The following SEPTIN9 variants were observed in gnomAD, a reference collection of about 807,000 sequenced individuals.
The protein encoded by SEPTIN9 is septin 9, also known as septin-9.
A neutral mutation model predicts 56.6 loss-of-function variants in SEPTIN9; 13 were observed. That is an observed-to-expected ratio of 0.23 (90% confidence interval 0.15 to 0.37). SEPTIN9 has a LOEUF of 0.37. Among genes scored for constraint, SEPTIN9 ranks in the 10% least tolerant of loss-of-function variants. The pLI, the probability that SEPTIN9 is intolerant of heterozygous loss-of-function variation, is 1.00. For synonymous variants in SEPTIN9, 332 were observed against 334.1 expected, an observed-to-expected ratio of 0.99 and a Z score of 0.07; for missense variants, 650 against 823.1, an observed-to-expected ratio of 0.79 and a Z score of 2.57.
chr17:77,459,346 T>C (rs2038356111), intron 3 of SEPTIN9, among the ~76,000 whole-genome samples: 1 of 152,194 alleles, frequency 6.6e-6, no homozygotes, highest in African/African-American at 2.4e-5. Context: ...CATCATTCAC[T>C]CGCACATTCA....
At chr17:77,304,104 G>A (rs935691770) in intron 1 of SEPTIN9, among the ~76,000 whole-genome samples, 20 of 152,310 alleles carry the variant, frequency 1.3e-4, no homozygotes, top group African/African-American at 4.8e-4. Flanking sequence ...CTACCTCTTT[G>A]CTGGACTCAG....
Position 77,319,306 on chromosome 17 carries a change from C to A in SEPTIN9, c.76+12109C>A, listed in dbSNP as rs1055165349. Among the ~76,000 whole-genome samples, 2 of 152,150 alleles carry A rather than the reference C, an allele frequency of 1.3e-5. No homozygotes were observed. Among genetic ancestry groups the A allele is most frequent in the African/African-American group, 4.8e-5 (2 of 41,442 alleles). On this transcript the variant is annotated intron_variant, in intron 2 of 11. Transcript: ENST00000427177. The surrounding 1 kb of genome is among the most constrained non-coding windows in gnomAD (Gnocchi z 5.3). The stretch of plus-strand genomic sequence containing the variant: ...GACCCTGACCATGTGCTGGTGGGGA[C>A]CCCCCAGGTAAGTAAGCAGCCTCTG...
intron 2 of SEPTIN9, among the ~76,000 whole-genome samples, chr17:77,363,127 G>A (rs1302541352): frequency 6.6e-6 from 1 of 152,212 alleles, no homozygotes; most frequent in Admixed American, 6.5e-5. Context: ...TGCCCAGGAC[G>A]GTGGGCAGGG....
intron 3 of SEPTIN9, among the ~76,000 whole-genome samples, chr17:77,407,886 AT>A (rs899519806): frequency 6.6e-6 from 1 of 152,028 alleles, no homozygotes; most frequent in Admixed American, 6.5e-5. Context: ...GCCCCCCAAC[AT>A]GGGTGCCTCT....
At chr17:77,375,429 G>A (rs1325378007) in intron 2 of SEPTIN9, 1 of 152,264 alleles carries the variant, frequency 6.6e-6, no homozygotes, top group Non-Finnish European at 1.5e-5. Flanking sequence ...GGGAGGGGAG[G>A]CCAGGGTTTG....
intron 3 of SEPTIN9, chr17:77,446,038 G>A (rs1385103970): frequency 6.0e-6 from 1 of 167,994 alleles, no homozygotes; most frequent in Non-Finnish European, 1.5e-5. Context: ...GCCTGGCAGA[G>A]TTCTGCACAA....
At chr17:77,288,969 A>T (rs971195177) in intron 1 of SEPTIN9, among the ~76,000 whole-genome samples, 4 of 152,232 alleles carry the variant, frequency 2.6e-5, no homozygotes, top group African/African-American at 9.6e-5. Flanking sequence ...TCAGAGACCC[A>T]AGGTGTGGCT....
chr17:77,378,449 T>C (rs9909247), intron 2 of SEPTIN9, among the ~76,000 whole-genome samples: 33,858 of 152,162 alleles, frequency 0.22, 3,958 homozygotes, highest in East Asian at 0.5. Flanking sequence ...CCCATGGCGC[T>C]GAGCACGGGT....
rs139375537 is a variant in SEPTIN9 at position 77,429,863 on chromosome 17, CTCTT to C, written c.721+27164_721+27167del. ...TGTTGCGAAACCTGTCTCTCTGCCT[CTCTT>C]TCTCCTGCTACAGAACTGGATCCTC... On this transcript the variant is annotated intron_variant, in intron 3 of 11. Coordinates refer to ENST00000427177, the MANE Select transcript of SEPTIN9 (RefSeq NM_001113491.2). This position sits in a 1 kb window ranked among gnomAD's most constrained non-coding sequence, Gnocchi z 5.2. Among the ~76,000 whole-genome samples, 556 of 152,300 alleles carry C rather than the reference CTCTT, an allele frequency of 3.7e-3. 1 individual carries two copies. Among genetic ancestry groups the C allele is most frequent in the African/African-American group, 0.013 (526 of 41,560 alleles).
chr17:77,460,559 G>A (rs921833340), intron 3 of SEPTIN9, among the ~76,000 whole-genome samples: 3 of 152,152 alleles, frequency 2.0e-5, no homozygotes, highest in Non-Finnish European at 4.4e-5. Flanking sequence ...TTTGGGATAC[G>A]GGGAGCGAGA....
At chr17:77,486,529 C>CTGTGTGTGTGT (rs1568114414) in intron 4 of SEPTIN9, among the ~76,000 whole-genome samples, 1 of 119,600 alleles carries the variant, frequency 8.4e-6, no homozygotes, top group Non-Finnish European at 1.6e-5. Flanking sequence ...TGTGCGCGCA[C>CTGTGTGTGTGT]GCGCGCGCGT....
chr17:77,294,908 G>A (rs1347183082), intron 1 of SEPTIN9: 1 of 152,234 alleles, frequency 6.6e-6, no homozygotes, highest in Admixed American at 6.5e-5. Flanking sequence ...GGAACGGTGA[G>A]TGGAGCGAGT....
At chr17:77,480,434 G>A (rs2039409856) in intron 3 of SEPTIN9, among the ~76,000 whole-genome samples, 3 of 151,670 alleles carry the variant, frequency 2.0e-5, no homozygotes, top group Non-Finnish European at 4.4e-5. Flanking sequence ...CAGCCAGGGG[G>A]CTCAGTGGGC....
rs188932761 is a variant in SEPTIN9, at chr17:77,499,305, G to A, written c.*647G>A. The stretch of plus-strand genomic sequence containing the variant: ...GAAAGTGCCTTTATCTCAGCCATCC[G>A]CAGACTGCTTGGCCAGATGCGGGGA... On this transcript the variant is annotated 3_prime_UTR_variant, in exon 12 of 12. Coordinates refer to ENST00000427177, the MANE Select transcript of SEPTIN9 (RefSeq NM_001113491.2). 1.9e-4 allele frequency: 113 copies of A among 597,444 alleles called. No individual in the cohort carries two copies. In the East Asian group the frequency reaches 3.2e-3, roughly 17 times the overall value. The allele number at this position is 597,444 out of a possible 1,614,324, so 37.0% of individuals were successfully genotyped here.
At position 77,389,266 on chromosome 17, in the gene SEPTIN9, A is replaced by AG. The variant is rs1003572391; in HGVS notation, c.77-12789dup. On this transcript the variant is annotated intron_variant, in intron 2 of 11. Coordinates refer to ENST00000427177, the MANE Select transcript of SEPTIN9 (RefSeq NM_001113491.2). The surrounding 1 kb of genome is among the most constrained non-coding windows in gnomAD (Gnocchi z 4.3). ...GGAGGGTCGGAAGTAGAGGGGAAGG[A>AG]GGGGCACGCGGTAGGCTGAGGAGGT... 7.9e-5 allele frequency among the ~76,000 whole-genome samples: 12 copies of AG among 151,924 alleles called. No individual in the cohort carries two copies. The highest frequency in any genetic ancestry group is 2.9e-4 in the African/African-American group (12 of 41,314).
chr17:77,485,553 GATA>G (rs2039740983), intron 4 of SEPTIN9, among the ~76,000 whole-genome samples: 2 of 151,968 alleles, frequency 1.3e-5, no homozygotes, highest in South Asian at 4.2e-4. Context: ...TGATGGTGAT[GATA>G]ATAATAAAAG....
At chr17:77,481,823 C>T (rs2039467938) in intron 3 of SEPTIN9, 1 of 398,642 alleles carries the variant, frequency 2.5e-6, no homozygotes, top group African/African-American at 2.0e-5. Flanking sequence ...AGTTCAGGGT[C>T]AGCCCTGCCT....
At position 77,436,620 on chromosome 17, in the gene SEPTIN9, G is replaced by A. The variant is rs147095853; in HGVS notation, c.721+33917G>A. Among the ~76,000 whole-genome samples, 1,000 of 152,300 alleles carry A rather than the reference G, an allele frequency of 6.6e-3. 8 individuals are homozygous for A. Among genetic ancestry groups the A allele is most frequent in the African/African-American group, 0.023 (939 of 41,564 alleles). On this transcript the variant is annotated intron_variant, in intron 3 of 11. Coordinates refer to ENST00000427177, the MANE Select transcript of SEPTIN9 (RefSeq NM_001113491.2). This position sits in a 1 kb window ranked among gnomAD's most constrained non-coding sequence, Gnocchi z 4.4. ...GCTTTTCTCGCCCCTCTCCTGCCCC[G>A]CTGGAGGGAGTGACCTGGCCCCTGG...
At position 77,402,289 on chromosome 17, in the gene SEPTIN9, C is replaced by T. The variant is rs866576241; in HGVS notation, c.307C>T (p.Pro103Ser). Residue 103 changes from proline to serine, a missense_variant, in exon 3 of 12, where the codon CCG becomes TCG. Coordinates refer to ENST00000427177, the MANE Select transcript of SEPTIN9 (RefSeq NM_001113491.2). The surrounding 1 kb of genome is among the most constrained non-coding windows in gnomAD (Gnocchi z 6.6). The part of the protein sequence containing the change: ...VELSGPKAAE[P>S]VSRRTELSID... The stretch of plus-strand genomic sequence containing the variant: ...GCTCTCGGGCCCCAAGGCGGCCGAG[C>T]CGGTGTCCCGGCGCACTGAGCTGTC... 6.2e-7 allele frequency: 1 copy of T among 1,612,452 alleles called. No individual in the cohort carries two copies. Among genetic ancestry groups the T allele is most frequent in the Non-Finnish European group, 8.5e-7 (1 of 1,179,728 alleles).
Sources: gnomAD v4.1 joint callset for allele counts (sites outside exome capture counted in the v4.1 genomes callset) on GRCh38, gnomAD v4.1.1 for gene constraint, Gnocchi (gnomAD v3.1) non-coding constraint, MANE v1.5 for transcripts, NCBI Gene and HGNC (gene_info 2026-07-23, HGNC 2026-07-21) for gene names.